MME: variants seen among roughly 807,000 people sequenced by gnomAD.
MME encodes the protein membrane metalloendopeptidase.
Under a neutral mutation model 113.2 loss-of-function variants are expected in MME, and 98 were observed. The ratio of observed to expected loss-of-function variants is 0.87; its 90% CI spans 0.74 to 1.02. The LOEUF (loss-of-function observed/expected upper bound fraction) is 1.02, where lower values mean the gene tolerates loss of function less well. Ranked by LOEUF, MME falls within the 50% of genes least tolerant of loss-of-function variation. MME has a pLI of 0.00. For missense variants in MME, 836 were observed against 896.0 expected (o/e 0.93, Z 0.86); for synonymous variants, 292 against 300.6 (o/e 0.97, Z 0.30).
chr3:155,125,286 TGCGTGC>T (rs2108276653), intron 8 of MME, among the ~76,000 whole-genome samples: 1 of 113,804 alleles, frequency 8.8e-6, no homozygotes, highest in Non-Finnish European at 2.0e-5. Flanking sequence ...TCACGCACGG[TGCGTGC>T]ACCCACTGGC....
Position 155,168,630 on chromosome 3 carries a change from G to A in MME, c.1914+5G>A. ...GACCTGGCAGGTGGACAGCACGTATGTCATTAGCATTCTCTTGAAAAGTTT... is the reference window on the plus strand; with the variant it reads ...GACCTGGCAGGTGGACAGCACGTATATCATTAGCATTCTCTTGAAAAGTTT... On this transcript the variant is annotated splice_donor_5th_base_variant and intron_variant, in intron 19 of 22. Coordinates refer to ENST00000360490, the MANE Select transcript of MME (RefSeq NM_007289.4). 6.2e-7 allele frequency: 1 copy of A among 1,613,788 alleles called. No individual in the cohort carries two copies. The highest frequency in any genetic ancestry group is 8.5e-7 in the Non-Finnish European group (1 of 1,179,822).
At chr3:155,095,939 C>T (rs1716700673) in intron 3 of MME, among the ~76,000 whole-genome samples, 1 of 152,008 alleles carries the variant, frequency 6.6e-6, no homozygotes, top group African/African-American at 2.4e-5. Context: ...GCAATGAGGC[C>T]GGGAAAGCAG....
chr3:155,079,990 C>T (rs1714971129), upstream of MME: 1 of 152,424 alleles, frequency 6.6e-6, no homozygotes, highest in Admixed American at 6.5e-5. Context: ...CAACTTCTCC[C>T]GAATCCCACT....
At chr3:155,036,400 T>C (rs1713129682) in intron 1 of MME, among the ~76,000 whole-genome samples, 1 of 152,116 alleles carries the variant, frequency 6.6e-6, no homozygotes, top group Admixed American at 6.6e-5. Flanking sequence ...AACCCCAACA[T>C]TTGTCTTGAG....
At chr3:155,118,851 G>A (rs1249283027) in intron 8 of MME, 40 bp downstream of exon 8, 1 of 1,261,592 alleles carries the variant, frequency 7.9e-7, no homozygotes, top group Non-Finnish European at 1.1e-6. Flanking sequence ...ACTACAAAAT[G>A]ATCTGGTGTA....
intron 22 of MME, among the ~76,000 whole-genome samples, chr3:155,174,544 A>T (rs1011020036): frequency 6.6e-5 from 10 of 152,230 alleles, no homozygotes; most frequent in Admixed American, 6.6e-4. Flanking sequence ...TTTTAAAAAA[A>T]CTTTAAAAAT....
At chr3:155,039,059 A>G (rs1713221747) in intron 1 of MME, among the ~76,000 whole-genome samples, 1 of 152,168 alleles carries the variant, frequency 6.6e-6, no homozygotes, top group South Asian at 2.1e-4. Context: ...TATTTTAACC[A>G]CACAAAACAC....
chr3:155,025,146 C>T (rs948472455), intron 1 of MME, among the ~76,000 whole-genome samples: 1 of 152,188 alleles, frequency 6.6e-6, no homozygotes, highest in Non-Finnish European at 1.5e-5. Context: ...ACTCAAACCT[C>T]TTACTCTGGC....
chr3:155,044,930 T>C (rs1713498955), intron 1 of MME, among the ~76,000 whole-genome samples: 1 of 151,184 alleles, frequency 6.6e-6, no homozygotes, highest in African/African-American at 2.4e-5. Context: ...GAGCTTGGTC[T>C]GCAATTTTTT....
At chr3:155,178,275 A>G (rs956260210) in intron 22 of MME, among the ~76,000 whole-genome samples, 6 of 152,166 alleles carry the variant, frequency 3.9e-5, no homozygotes, top group South Asian at 2.1e-4. Context: ...TACATCCTCC[A>G]TGAAAGATAG....
intron 20 of MME, among the ~76,000 whole-genome samples, chr3:155,170,056 T>C (rs1576670814): frequency 6.6e-6 from 1 of 151,974 alleles, no homozygotes; most frequent in Non-Finnish European, 1.5e-5. Flanking sequence ...ATTTTACCTC[T>C]TTTTTTTGAG....
chr3:155,167,877 C>A (rs1404482102), intron 18 of MME, among the ~76,000 whole-genome samples: 1 of 152,082 alleles, frequency 6.6e-6, no homozygotes, highest in East Asian at 1.9e-4. Flanking sequence ...AAGGTGAATT[C>A]AAGTAGGTTG....
intron 3 of MME, among the ~76,000 whole-genome samples, chr3:155,094,208 T>C (rs1370666943): frequency 2.0e-5 from 3 of 152,246 alleles, no homozygotes; most frequent in Non-Finnish European, 4.4e-5. Flanking sequence ...CTTTTTCCAC[T>C]AAGCCAACTT....
chr3:155,170,683 G>A (rs1711834777), intron 20 of MME, among the ~76,000 whole-genome samples: 1 of 152,090 alleles, frequency 6.6e-6, no homozygotes, highest in Non-Finnish European at 1.5e-5. Flanking sequence ...GCTTGAGGAT[G>A]ACCATCTGTA....
At chr3:155,050,321 A>G (rs1398754380) in intron 1 of MME, among the ~76,000 whole-genome samples, 1 of 152,196 alleles carries the variant, frequency 6.6e-6, no homozygotes, top group African/African-American at 2.4e-5. Flanking sequence ...TTATGATAGA[A>G]TAATCTATAT....
At chr3:155,118,665 C>T (rs1336122324) in intron 7 of MME, 81 bp from the exon 8 acceptor site, 2 of 901,750 alleles carry the variant, frequency 2.2e-6, no homozygotes, top group African/African-American at 1.7e-5. Flanking sequence ...CTTTCACATA[C>T]ATAGATAGAC....
chr3:155,136,403 A>G (rs999142463), intron 8 of MME, among the ~76,000 whole-genome samples: 6 of 152,148 alleles, frequency 3.9e-5, no homozygotes, highest in Admixed American at 3.3e-4. Flanking sequence ...AGATAGCCCA[A>G]TGGTATTTGT....
At chr3:155,048,263 G>A (rs529526477) in intron 1 of MME, among the ~76,000 whole-genome samples, 3 of 152,146 alleles carry the variant, frequency 2.0e-5, no homozygotes, top group South Asian at 4.1e-4. Context: ...CCTTTTCCTG[G>A]TTTCTATGGG....
At chr3:155,151,264 A>T (rs189485972) in intron 16 of MME, among the ~76,000 whole-genome samples, 1 of 152,322 alleles carries the variant, frequency 6.6e-6, no homozygotes, top group East Asian at 1.9e-4. Flanking sequence ...AAGTCTTGAA[A>T]GAGAAATATG....
Sources: gnomAD v4.1 joint callset for allele counts (sites outside exome capture counted in the v4.1 genomes callset) on GRCh38, gnomAD v4.1.1 for gene constraint, MANE v1.5 for transcripts, NCBI Gene and HGNC (gene_info 2026-07-23, HGNC 2026-07-21) for gene names.